Variants in NEMP2 observed in about 807,000 individuals in gnomAD.
The protein encoded by NEMP2 is UPF0571 transmembrane protein.
A neutral mutation model predicts 54.2 loss-of-function variants in NEMP2; 53 were observed. That is an observed-to-expected ratio of 0.98 (90% confidence interval 0.78 to 1.23). NEMP2 has a LOEUF of 1.23. NEMP2 is among the 50% of genes most tolerant of loss of function. The pLI is 0.00. For missense variants in NEMP2, 455 were observed against 511.3 expected (o/e 0.89, Z 1.06); for synonymous variants, 197 against 190.3 (o/e 1.04, Z -0.29).
At chr2:190,541,331 T>C in the NEMP2 span, among the ~76,000 whole-genome samples, 1 of 152,108 alleles carries the variant, frequency 6.6e-6, no homozygotes, top group Non-Finnish European at 1.5e-5. This position sits in a 1 kb window ranked among gnomAD's most constrained non-coding sequence, Gnocchi z 5.2. Context: ...TGTTAGGTTA[T>C]TTGAAGTCTT....
the NEMP2 span, among the ~76,000 whole-genome samples, chr2:190,466,307 T>C: frequency 6.6e-6 from 1 of 152,248 alleles, no homozygotes; most frequent in Admixed American, 6.5e-5. Flanking sequence ...GTGCATACTA[T>C]GGCAGTTTAA....
rs1259689274 is a variant in NEMP2 at position 190,523,535 on chromosome 2, CGT to C, written c.213+1726_213+1727del. On this transcript the variant is annotated intron_variant, in intron 2 of 8. Coordinates refer to ENST00000409150, the MANE Select transcript of NEMP2 (RefSeq NM_001142645.2). This position sits in a 1 kb window ranked among gnomAD's most constrained non-coding sequence, Gnocchi z 5.3. ...ATATAGATGTATGTGCAGGCCTATG[CGT>C]GTGTATGTGTTTGTACACACATGAT... Among the ~76,000 whole-genome samples, 1 of 152,110 alleles carries C rather than the reference CGT, an allele frequency of 6.6e-6. No homozygotes were observed.
the NEMP2 span, among the ~76,000 whole-genome samples, chr2:190,492,335 C>T: frequency 6.6e-6 from 1 of 152,128 alleles, no homozygotes; most frequent in Non-Finnish European, 1.5e-5. This position sits in a 1 kb window ranked among gnomAD's most constrained non-coding sequence, Gnocchi z 5.2. Context: ...ATTGCCTAGG[C>T]ACATTGTCAT....
At chr2:190,644,391 G>A in the NEMP2 span, among the ~76,000 whole-genome samples, 2 of 152,224 alleles carry the variant, frequency 1.3e-5, no homozygotes, top group Non-Finnish European at 2.9e-5. The surrounding 1 kb of genome is among the most constrained non-coding windows in gnomAD (Gnocchi z 4.4). Flanking sequence ...ATGTGAAGGA[G>A]CAGTGTTCAT....
the NEMP2 span, among the ~76,000 whole-genome samples, chr2:190,634,681 C>T: frequency 5.9e-5 from 9 of 152,162 alleles, no homozygotes; most frequent in African/African-American, 1.9e-4. The surrounding 1 kb of genome is among the most constrained non-coding windows in gnomAD (Gnocchi z 6.8). Context: ...TCTGGCCAAC[C>T]GTTGGCTCCT....
chr2:190,616,453 ATG>A, the NEMP2 span, among the ~76,000 whole-genome samples: 4 of 152,252 alleles, frequency 2.6e-5, no homozygotes, highest in Non-Finnish European at 4.4e-5. This position sits in a 1 kb window ranked among gnomAD's most constrained non-coding sequence, Gnocchi z 5.1. Flanking sequence ...TCTATATATA[ATG>A]TGTTAATAAA....
chr2:190,545,690 A>G, the NEMP2 span, among the ~76,000 whole-genome samples: 2 of 152,304 alleles, frequency 1.3e-5, no homozygotes, highest in African/African-American at 4.8e-5. Flanking sequence ...GAACTCAAAT[A>G]TTTTTAAAAA....
At chr2:190,432,677 A>G in the NEMP2 span, among the ~76,000 whole-genome samples, 1 of 152,100 alleles carries the variant, frequency 6.6e-6, no homozygotes, top group Admixed American at 6.5e-5. Flanking sequence ...TCAACCTCCT[A>G]AAGTGCTTGA....
chr2:190,547,848 T>C, the NEMP2 span, among the ~76,000 whole-genome samples: 1 of 152,232 alleles, frequency 6.6e-6, no homozygotes, highest in African/African-American at 2.4e-5. This position sits in a 1 kb window ranked among gnomAD's most constrained non-coding sequence, Gnocchi z 6.2. Context: ...AAATACTTCT[T>C]ATTCTTATAA....
At chr2:190,580,441 C>T in the NEMP2 span, among the ~76,000 whole-genome samples, 1 of 152,140 alleles carries the variant, frequency 6.6e-6, no homozygotes, top group Non-Finnish European at 1.5e-5. The surrounding 1 kb of genome is among the most constrained non-coding windows in gnomAD (Gnocchi z 5.3). Context: ...ATTCCAGGTT[C>T]TGCTGTCAAG....
chr2:190,584,119 G>A, the NEMP2 span, among the ~76,000 whole-genome samples: 1 of 152,126 alleles, frequency 6.6e-6, no homozygotes, highest in African/African-American at 2.4e-5. The surrounding 1 kb of genome is among the most constrained non-coding windows in gnomAD (Gnocchi z 4.2). Context: ...TTTGTCTCTG[G>A]GGGCTAGAAT....
the NEMP2 span, among the ~76,000 whole-genome samples, chr2:190,547,818 G>C: frequency 1.2e-3 from 185 of 152,270 alleles, 2 homozygotes; most frequent in African/African-American, 4.0e-3. The surrounding 1 kb of genome is among the most constrained non-coding windows in gnomAD (Gnocchi z 6.2). Context: ...TTACAGGTGT[G>C]AGCCACCGTG....
At position 190,530,201 on chromosome 2, in the gene NEMP2, A is replaced by G. The variant is rs4076122; in HGVS notation, c.97+4358T>C. On this transcript the variant is annotated intron_variant, in intron 1 of 8. Transcript: ENST00000409150. The surrounding 1 kb of genome is among the most constrained non-coding windows in gnomAD (Gnocchi z 4.6). ...AGGAAGGAGGTTGTCCTGACTGTTC[A>G]TGCCTATAGACACGCTAGTAAAAGC... is the stretch of plus-strand genomic sequence containing the variant. 6.6e-3 allele frequency among the ~76,000 whole-genome samples: 1,006 copies of G among 152,334 alleles called. 3 individuals are homozygous for G. Among genetic ancestry groups the G allele is most frequent in the Non-Finnish European group, 9.6e-3 (655 of 68,030 alleles).
chr2:190,448,931 GCC>G, the NEMP2 span, among the ~76,000 whole-genome samples: 1 of 152,154 alleles, frequency 6.6e-6, no homozygotes, highest in African/African-American at 2.4e-5. Flanking sequence ...CTGTAGAAGA[GCC>G]AAATGTGTGT....
At chr2:190,605,461 A>G in the NEMP2 span, among the ~76,000 whole-genome samples, 5 of 151,352 alleles carry the variant, frequency 3.3e-5, no homozygotes, top group Non-Finnish European at 7.4e-5. Flanking sequence ...TGCAACCTTC[A>G]CCTCCCAGGT....
the NEMP2 span, among the ~76,000 whole-genome samples, chr2:190,591,220 A>G: frequency 6.6e-6 from 1 of 152,214 alleles, no homozygotes; most frequent in East Asian, 1.9e-4. This position sits in a 1 kb window ranked among gnomAD's most constrained non-coding sequence, Gnocchi z 5.4. Flanking sequence ...CTTATAGGAG[A>G]GTGTGCCACT....
chr2:190,585,512 G>A, the NEMP2 span, among the ~76,000 whole-genome samples: 1 of 152,202 alleles, frequency 6.6e-6, no homozygotes, highest in African/African-American at 2.4e-5. This position sits in a 1 kb window ranked among gnomAD's most constrained non-coding sequence, Gnocchi z 5.3. Context: ...GCATGGCTCA[G>A]TGAGAGGAGC....
the NEMP2 span, among the ~76,000 whole-genome samples, chr2:190,643,579 T>C: frequency 1.3e-5 from 2 of 152,226 alleles, no homozygotes; most frequent in Non-Finnish European, 2.9e-5. Flanking sequence ...GTGCATACTT[T>C]ATAGCGCTGT....
chr2:190,517,109 A>T (rs1039501293), intron 5 of NEMP2, among the ~76,000 whole-genome samples: 2 of 151,340 alleles, frequency 1.3e-5, no homozygotes, highest in East Asian at 1.9e-4. Flanking sequence ...AAAAAAAAAA[A>T]AAGAAGGTGG....
Sources: gnomAD v4.1 joint callset for allele counts (sites outside exome capture counted in the v4.1 genomes callset) on GRCh38, gnomAD v4.1.1 for gene constraint, Gnocchi (gnomAD v3.1) non-coding constraint, MANE v1.5 for transcripts, NCBI Gene and HGNC (gene_info 2026-07-23, HGNC 2026-07-21) for gene names.